Variants in CELSR1 observed in about 807,000 individuals in gnomAD.
The protein encoded by CELSR1 is adhesion G protein-coupled receptor C1.
A neutral mutation model predicts 249.1 loss-of-function variants in CELSR1; 110 were observed. The ratio of observed to expected loss-of-function variants is 0.44; its 90% confidence interval spans 0.38 to 0.52. The LOEUF (loss-of-function observed/expected upper bound fraction) is 0.52. Ranked by LOEUF, CELSR1 falls within the 20% of genes least tolerant of loss-of-function variation. The probability of loss-of-function intolerance (pLI) is 0.00; values close to 1 mark genes in which losing one functional copy is unlikely to be tolerated. For missense variants in CELSR1, 4,109 were observed against 4,296.4 expected (o/e 0.96, Z 1.22); for synonymous variants, 2,113 against 1,900.0 (o/e 1.11, Z -2.92).
intron 1 of CELSR1, among the ~76,000 whole-genome samples, chr22:46,513,425 A>G (rs2080593616): frequency 6.6e-6 from 1 of 152,102 alleles, no homozygotes; most frequent in Non-Finnish European, 1.5e-5. Context: ...CAAGAAGTCC[A>G]ATGCAGTCAC....
intron 1 of CELSR1, among the ~76,000 whole-genome samples, chr22:46,511,774 G>C (rs950902922): frequency 6.6e-6 from 1 of 152,170 alleles, no homozygotes; most frequent in Admixed American, 6.5e-5. Context: ...AAGAGGGTGA[G>C]ATGAGGGAAG....
At chr22:46,394,941 C>G (rs904950627) in intron 13 of CELSR1, among the ~76,000 whole-genome samples, 1 of 152,234 alleles carries the variant, frequency 6.6e-6, no homozygotes, top group African/African-American at 2.4e-5. Context: ...CTACCTGTTC[C>G]TGACAGGGCT....
In CELSR1 at chr22:46,490,753, CAGAGTG is replaced by C. The variant is rs1362547843; in HGVS notation, c.3545-26414_3545-26409del. Among the ~76,000 whole-genome samples the C allele has an allele frequency of 6.6e-6, 1 of 152,132 alleles. No individual in the cohort carries two copies. The highest frequency in any genetic ancestry group is 1.5e-5 in the Non-Finnish European group (1 of 68,040). On this transcript the variant is annotated intron_variant, in intron 1 of 34. Transcript: ENST00000674500. The surrounding 1 kb of genome is among the most constrained non-coding windows in gnomAD (Gnocchi z 5.2). ...CAACTCCTGCAGCCACCACAGGGTG[CAGAGTG>C]AGTTTCTGGTTTTGCCGCTCTTGTG...
At chr22:46,508,687 TGTGA>T (rs1313527892) in intron 1 of CELSR1, among the ~76,000 whole-genome samples, 1 of 152,006 alleles carries the variant, frequency 6.6e-6, no homozygotes, top group Admixed American at 6.6e-5. Context: ...TCCAAGGCGG[TGTGA>T]GTCTCAGTTT....
chr22:46,457,115 G>C lies in CELSR1; in HGVS notation c.4183+6592C>G, dbSNP rs560684279. ...GGCCCACAGCACTTTGGGAGGCCGAGGCGGGAGGATCAGAAGGTCAGGAGT... is the reference window on the plus strand; with the variant it reads ...GGCCCACAGCACTTTGGGAGGCCGACGCGGGAGGATCAGAAGGTCAGGAGT... On this transcript the variant is annotated intron_variant, in intron 2 of 34. Transcript: ENST00000674500. 5.2e-4 allele frequency among the ~76,000 whole-genome samples: 79 copies of C among 152,340 alleles called. 1 individual carries two copies. Among genetic ancestry groups the C allele is most frequent in the Admixed American group, 4.5e-3 (69 of 15,300 alleles).
In CELSR1 at chr22:46,410,303, T is replaced by G. The variant is rs1332903952; in HGVS notation, c.4933+95A>C. On this transcript the variant is annotated intron_variant, in intron 7 of 34. Coordinates refer to ENST00000674500, the MANE Select transcript of CELSR1 (RefSeq NM_001378328.1). The surrounding 1 kb of genome is among the most constrained non-coding windows in gnomAD (Gnocchi z 6.8). Reference sequence around the variant, plus strand: ...CATACATTTCTAAGAAAAACACGGCTCCCCAGGGATCTGCAAGCAGTGACC... The same window carrying G: ...CATACATTTCTAAGAAAAACACGGCGCCCCAGGGATCTGCAAGCAGTGACC... 4 of 1,474,220 alleles carry G rather than the reference T, an allele frequency of 2.7e-6. No homozygotes were observed. Among genetic ancestry groups the G allele is most frequent in the Non-Finnish European group, 3.7e-6 (4 of 1,072,644 alleles). The allele number at this position is 1,474,220 out of a possible 1,614,324, so 91.3% of individuals were successfully genotyped here.
At chr22:46,519,095 C>G (rs1282870046) in intron 1 of CELSR1, among the ~76,000 whole-genome samples, 1 of 152,008 alleles carries the variant, frequency 6.6e-6, no homozygotes, top group Non-Finnish European at 1.5e-5. Context: ...TGTGCACGAC[C>G]CGGAAAACAT....
chr22:46,380,610 C>A lies in CELSR1; in HGVS notation c.7256+178G>T, dbSNP rs2078967157. Among the ~76,000 whole-genome samples, 1 of 152,300 alleles carries A rather than the reference C, an allele frequency of 6.6e-6. No individual in the cohort carries two copies. The highest frequency in any genetic ancestry group is 2.4e-5 in the African/African-American group (1 of 41,568). On this transcript the variant is annotated intron_variant, in intron 22 of 34. Coordinates refer to ENST00000674500, the MANE Select transcript of CELSR1 (RefSeq NM_001378328.1). The surrounding 1 kb of genome is among the most constrained non-coding windows in gnomAD (Gnocchi z 5.1). ...CTGTGTGTGGACATCTAGGGGAGGA[C>A]TCTGATATTCCCACAGAAGCAGAGC...
chr22:46,505,413 T>G (rs919917315), intron 1 of CELSR1, among the ~76,000 whole-genome samples: 1 of 151,882 alleles, frequency 6.6e-6, no homozygotes, highest in East Asian at 2.0e-4. Context: ...GTGGGAAAAT[T>G]GTTTGAGCCC....
Position 46,463,727 on chromosome 22 carries a change from T to C in CELSR1, c.4163A>G (p.Glu1388Gly). 2.0e-6 allele frequency: 3 copies of C among 1,530,564 alleles called. No individual in the cohort carries two copies. The highest frequency in any genetic ancestry group is 2.6e-6 in the Non-Finnish European group (3 of 1,140,522). The allele number at this position is 1,530,564 out of a possible 1,614,324, so 94.8% of individuals were successfully genotyped here. A position where few individuals can be genotyped will look rare whatever the true frequency, so the allele number is the denominator to read the frequency against. ...CRSREGGYTC[E>G]CFEDFTGEHC... ...CCTACCAGTGAAGTCCTCGAAGCAC[T>C]CGCAGGTGTAGCCGCCCTCGCGGCT... Residue 1388 changes from glutamate (E) to glycine (G), a missense_variant, in exon 2 of 35, where the codon GAG (glutamate) becomes GGG (glycine). Coordinates refer to ENST00000674500, the MANE Select transcript of CELSR1 (RefSeq NM_001378328.1).
chr22:46,499,732 T>C (rs550151970), intron 1 of CELSR1, among the ~76,000 whole-genome samples: 2 of 152,268 alleles, frequency 1.3e-5, no homozygotes, highest in South Asian at 4.1e-4. Flanking sequence ...TCCCGCGTGC[T>C]CCTGGTCCCC....
rs2079673548 is a variant in CELSR1 at position 46,437,248 on chromosome 22, A to G, written c.4407-959T>C. Among the ~76,000 whole-genome samples, 1 of 151,990 alleles carries G rather than the reference A, an allele frequency of 6.6e-6. No individual in the cohort carries two copies. Among genetic ancestry groups the G allele is most frequent in the African/African-American group, 2.4e-5 (1 of 41,366 alleles). ...GGCAGGGGGTCTTCAGACCCAAATC[A>G]CCACAACACCTCCCCCACCTCCCTG... On this transcript the variant is annotated intron_variant, in intron 3 of 34. Coordinates refer to ENST00000674500, the MANE Select transcript of CELSR1 (RefSeq NM_001378328.1). This position sits in a 1 kb window ranked among gnomAD's most constrained non-coding sequence, Gnocchi z 4.9.
At chr22:46,369,095 T>C (rs761124592) in intron 27 of CELSR1, 84 bp downstream of exon 27, 10 of 1,381,370 alleles carry the variant, frequency 7.2e-6, no homozygotes, top group Admixed American at 1.7e-5. Context: ...CACGCTCTCA[T>C]GGGGCCCCAC....
chr22:46,458,435 A>C (rs2079982038), intron 2 of CELSR1, among the ~76,000 whole-genome samples: 1 of 152,232 alleles, frequency 6.6e-6, no homozygotes, highest in Admixed American at 6.5e-5. Flanking sequence ...CACCAAGGTG[A>C]TAACATGAAA....
In CELSR1 at chr22:46,390,420, G is replaced by T; in HGVS notation, c.6317C>A (p.Thr2106Asn). Residue 2106 changes from threonine (T) to asparagine (N), a missense_variant, in exon 17 of 35, where the codon ACC becomes AAC. Coordinates refer to ENST00000674500, the MANE Select transcript of CELSR1 (RefSeq NM_001378328.1). The surrounding 1 kb of genome is among the most constrained non-coding windows in gnomAD (Gnocchi z 6.3). ...WLPPELFNCT[T>N]ISFVDLRAMN... is the part of the protein sequence containing the mutation. ...GGCCCTGAGGTCCACGAAGGAGATGGTGGTACAGTTAAAGAGCTCTGGGGG... is the reference window on the plus strand; with the variant it reads ...GGCCCTGAGGTCCACGAAGGAGATGTTGGTACAGTTAAAGAGCTCTGGGGG... 1.2e-6 allele frequency: 2 copies of T among 1,613,836 alleles called. No individual in the cohort carries two copies. The highest frequency in any genetic ancestry group is 1.7e-6 in the Non-Finnish European group (2 of 1,179,930).
In CELSR1 at chr22:46,433,303, G is replaced by C; in HGVS notation, c.4611+90C>G. The C allele has an allele frequency of 1.1e-6, 1 of 947,040 alleles. No homozygotes were observed. Among genetic ancestry groups the C allele is most frequent in the Non-Finnish European group, 1.6e-6 (1 of 620,042 alleles). 58.7% of individuals were successfully genotyped at this position (947,040 alleles called of 1,614,324 possible). On this transcript the variant is annotated intron_variant, in intron 5 of 34. Transcript: ENST00000674500. This position sits in a 1 kb window ranked among gnomAD's most constrained non-coding sequence, Gnocchi z 5.7. ...ACCTGCCTTGGCCTCTCAAAGTGCT[G>C]GGATTACAGGCGTGAGCCACTGCGC...
At chr22:46,501,762 G>A (rs1199574947) in intron 1 of CELSR1, among the ~76,000 whole-genome samples, 2 of 152,142 alleles carry the variant, frequency 1.3e-5, no homozygotes, top group Non-Finnish European at 2.9e-5. Context: ...TAGCAGAATG[G>A]ATCTTTCCAT....
Position 46,488,720 on chromosome 22 carries a change from C to T in CELSR1, c.3545-24375G>A, listed in dbSNP as rs954549219. ...TGTCACCCAGGCTGGAGTTCAGTGG[C>T]GTGATCTCGGCTCACTGCAAGCTCC... On this transcript the variant is annotated intron_variant, in intron 1 of 34. Coordinates refer to ENST00000674500, the MANE Select transcript of CELSR1 (RefSeq NM_001378328.1). The surrounding 1 kb of genome is among the most constrained non-coding windows in gnomAD (Gnocchi z 4.7). Among the ~76,000 whole-genome samples the T allele has an allele frequency of 2.0e-5, 3 of 150,798 alleles. No individual in the cohort carries two copies. Among genetic ancestry groups the T allele is most frequent in the Non-Finnish European group, 1.5e-5 (1 of 67,808 alleles).
chr22:46,379,438 GAAT>G (rs1015418523), intron 22 of CELSR1, among the ~76,000 whole-genome samples: 3 of 152,220 alleles, frequency 2.0e-5, no homozygotes, highest in East Asian at 1.9e-4. Context: ...TACAATCTGG[GAAT>G]AATAAGTGCA....
Sources: gnomAD v4.1 joint callset for allele counts (sites outside exome capture counted in the v4.1 genomes callset) on GRCh38, gnomAD v4.1.1 for gene constraint, Gnocchi (gnomAD v3.1) non-coding constraint, MANE v1.5 for transcripts, NCBI Gene and HGNC (gene_info 2026-07-23, HGNC 2026-07-21) for gene names.